Variants in MGMT observed in about 807,000 individuals in gnomAD.
MGMT encodes the protein methylated-DNA--protein-cysteine methyltransferase.
Under a neutral mutation model 15.9 loss-of-function variants are expected in MGMT, and 14 were observed. The observed-to-expected ratio is 0.88, with a 90% CI of 0.58 to 1.37. MGMT has a LOEUF of 1.37. Ranked by LOEUF, MGMT falls within the 40% of genes most tolerant of loss-of-function variation. MGMT has a pLI of 0.00. For synonymous variants in MGMT, 130 were observed against 118.2 expected, an observed-to-expected ratio of 1.10 and a Z score of -0.65; for missense variants, 282 against 268.1, an observed-to-expected ratio of 1.05 and a Z score of -0.36.
intron 2 of MGMT, among the ~76,000 whole-genome samples, chr10:129,647,307 G>A (rs942494823): frequency 6.6e-6 from 1 of 151,996 alleles, no homozygotes; most frequent in Admixed American, 6.6e-5. Flanking sequence ...GTGCACATTC[G>A]ACGCTCAAGT....
intron 2 of MGMT, among the ~76,000 whole-genome samples, chr10:129,654,020 G>A (rs775140013): frequency 5.3e-5 from 8 of 152,192 alleles, no homozygotes; most frequent in Admixed American, 2.6e-4. Context: ...ACAAGACTGC[G>A]GCCTGTGCTG....
At chr10:129,468,751 G>C (rs1440432251) in intron 1 of MGMT, among the ~76,000 whole-genome samples, 1 of 152,022 alleles carries the variant, frequency 6.6e-6, no homozygotes, top group African/African-American at 2.4e-5. Flanking sequence ...CAGGCGTGGT[G>C]GTGCATGCTG....
chr10:129,587,377 TA>T, intron 2 of MGMT, among the ~76,000 whole-genome samples: 1 of 151,144 alleles, frequency 6.6e-6, no homozygotes, highest in Non-Finnish European at 1.5e-5. Flanking sequence ...TTGAGTTCAC[TA>T]ATCTTTTCTT....
At chr10:129,636,586 G>T (rs150569233) in intron 2 of MGMT, among the ~76,000 whole-genome samples, 16 of 152,278 alleles carry the variant, frequency 1.1e-4, no homozygotes, top group African/African-American at 3.9e-4. Flanking sequence ...TCGTGATAAT[G>T]GGCATTCTTG....
chr10:129,727,232 G>A (rs142897917), intron 3 of MGMT, among the ~76,000 whole-genome samples: 374 of 152,266 alleles, frequency 2.5e-3, no homozygotes, highest in Non-Finnish European at 4.1e-3. Flanking sequence ...TGCGACTTCC[G>A]AGGCTAGGTC....
intron 2 of MGMT, among the ~76,000 whole-genome samples, chr10:129,688,256 G>T (rs973527844): frequency 2.6e-5 from 4 of 152,152 alleles, no homozygotes; most frequent in Non-Finnish European, 4.4e-5. Flanking sequence ...GATCCTTGAG[G>T]AATCGCCACA....
chr10:129,516,668 C>T (rs374234595), intron 1 of MGMT, among the ~76,000 whole-genome samples: 1 of 152,150 alleles, frequency 6.6e-6, no homozygotes, highest in African/African-American at 2.4e-5. Context: ...TGAATCAATA[C>T]GAAGCAGCTT....
At chr10:129,471,949 A>G (rs1481377325) in intron 1 of MGMT, among the ~76,000 whole-genome samples, 1 of 152,208 alleles carries the variant, frequency 6.6e-6, no homozygotes, top group Non-Finnish European at 1.5e-5. Flanking sequence ...CCAACATGTT[A>G]TTATTGCTTT....
intron 2 of MGMT, among the ~76,000 whole-genome samples, chr10:129,546,364 G>A (rs746865759): frequency 6.6e-6 from 1 of 152,230 alleles, no homozygotes; most frequent in African/African-American, 2.4e-5. Flanking sequence ...ACCGAGTTAG[G>A]ACATCACTGG....
intron 2 of MGMT, among the ~76,000 whole-genome samples, chr10:129,707,052 A>G (rs1458344689): frequency 6.6e-6 from 1 of 152,146 alleles, no homozygotes; most frequent in Admixed American, 6.5e-5. Flanking sequence ...ACCTGAGGTC[A>G]GGAGTTCGAG....
In MGMT at chr10:129,645,102, A is replaced by G. The variant is rs552204904; in HGVS notation, c.126-62793A>G. On this transcript the variant is annotated intron_variant, in intron 2 of 4. Coordinates refer to ENST00000651593, the MANE Select transcript of MGMT (RefSeq NM_002412.5). The stretch of plus-strand genomic sequence containing the variant: ...AGGATCAACAGTGTTCATGTACTAA[A>G]TCAAGCCTGAAAGCCCTTTTTTTTT... Among the ~76,000 whole-genome samples the G allele has an allele frequency of 6.7e-5, 10 of 149,770 alleles. No individual in the cohort carries two copies. In the South Asian group the frequency reaches 2.1e-3, roughly 32 times the overall value.
At chr10:129,711,463 G>A (rs1333940068) in intron 3 of MGMT, among the ~76,000 whole-genome samples, 1 of 152,220 alleles carries the variant, frequency 6.6e-6, no homozygotes, top group Non-Finnish European at 1.5e-5. Flanking sequence ...GGTTGGGACA[G>A]GTGGGATTTC....
intron 2 of MGMT, among the ~76,000 whole-genome samples, chr10:129,608,026 T>C (rs1238441341): frequency 6.6e-6 from 1 of 152,198 alleles, no homozygotes; most frequent in Non-Finnish European, 1.5e-5. Context: ...GTGCATGTAA[T>C]ATTGCCTGAC....
At chr10:129,647,479 G>A (rs942818211) in intron 2 of MGMT, among the ~76,000 whole-genome samples, 6 of 152,196 alleles carry the variant, frequency 3.9e-5, no homozygotes, top group Non-Finnish European at 8.8e-5. Context: ...CCATCGAAGC[G>A]TTGGTTAGTT....
rs1220134383 is a variant in MGMT at position 129,766,882 on chromosome 10, C to T, written c.509C>T (p.Ala170Val). The T allele has an allele frequency of 1.9e-6, 3 of 1,613,450 alleles. No individual in the cohort carries two copies. In the Admixed American group the frequency reaches 5.0e-5, roughly 27 times the overall value. Residue 170 changes from alanine to valine, a missense_variant, in exon 5 of 5, where the codon GCC (alanine) becomes GTC (valine). Coordinates refer to ENST00000651593, the MANE Select transcript of MGMT (RefSeq NM_002412.5). Reference protein sequence around the residue: ...GGLAVKEWLLAHEGHRLGKPG... With the variant: ...GGLAVKEWLLVHEGHRLGKPG... Reference sequence around the variant, plus strand: ...CTGGCCGTGAAGGAATGGCTTCTGGCCCATGAAGGCCACCGGTTGGGGAAG... The same window carrying T: ...CTGGCCGTGAAGGAATGGCTTCTGGTCCATGAAGGCCACCGGTTGGGGAAG...
chr10:129,515,988 G>A (rs368862349), intron 1 of MGMT, among the ~76,000 whole-genome samples: 17 of 152,140 alleles, frequency 1.1e-4, no homozygotes, highest in Non-Finnish European at 1.6e-4. Context: ...GGATCTAAAC[G>A]CAGTCTTTGA....
intron 3 of MGMT, among the ~76,000 whole-genome samples, chr10:129,739,833 A>G: frequency 6.6e-6 from 1 of 152,058 alleles, no homozygotes; most frequent in East Asian, 1.9e-4. Flanking sequence ...TATGTGGCCT[A>G]AGACAATTCT....
chr10:129,737,739 A>C (rs1589967806), intron 3 of MGMT, among the ~76,000 whole-genome samples: 2 of 152,026 alleles, frequency 1.3e-5, no homozygotes, highest in Non-Finnish European at 2.9e-5. Flanking sequence ...TTTGGTGTGG[A>C]TGTCCTTTCT....
intron 2 of MGMT, among the ~76,000 whole-genome samples, chr10:129,591,678 T>C (rs552555668): frequency 1.1e-4 from 17 of 152,182 alleles, no homozygotes; most frequent in Non-Finnish European, 2.1e-4. Flanking sequence ...ACGCCTGTAA[T>C]CCCAGCACTT....
Sources: allele counts gnomAD v4.1 joint callset (sites outside exome capture counted in the v4.1 genomes callset), GRCh38; gene constraint gnomAD v4.1.1; transcripts MANE v1.5; gene names NCBI Gene and HGNC (gene_info 2026-07-23, HGNC 2026-07-21).